USH2A: variants seen among roughly 807,000 people sequenced by gnomAD.
USH2A encodes the protein Usher syndrome 2A (autosomal recessive, mild).
A neutral mutation model predicts 538.9 loss-of-function variants in USH2A; 443 were observed. The ratio of observed to expected loss-of-function variants is 0.82; its 90% CI spans 0.76 to 0.89. USH2A has a LOEUF of 0.89. Among genes scored for constraint, USH2A ranks in the 40% least tolerant of loss-of-function variants. USH2A has a pLI of 0.00. For synonymous variants in USH2A, 2,413 were observed against 2,273.5 expected, an observed-to-expected ratio of 1.06 and a Z score of -1.75; for missense variants, 6,633 against 6,324.8, an observed-to-expected ratio of 1.05 and a Z score of -1.65.
At chr1:216,051,991 G>A (rs2030802055) in intron 30 of USH2A, among the ~76,000 whole-genome samples, 2 of 152,142 alleles carry the variant, frequency 1.3e-5, no homozygotes, top group Admixed American at 6.5e-5. Context: ...ACCAGATCCT[G>A]AGTTCACAAC....
At chr1:216,259,972 T>C (rs1348347798) in intron 11 of USH2A, among the ~76,000 whole-genome samples, 1 of 152,064 alleles carries the variant, frequency 6.6e-6, no homozygotes, top group Non-Finnish European at 1.5e-5. Context: ...TCAGAGAAAC[T>C]GCAGTACGAG....
chr1:216,079,782 A>G (rs2031875086), intron 26 of USH2A, among the ~76,000 whole-genome samples: 1 of 152,182 alleles, frequency 6.6e-6, no homozygotes, highest in Admixed American at 6.6e-5. Context: ...TAGGAAATCC[A>G]TTTAATTGTG....
intron 15 of USH2A, among the ~76,000 whole-genome samples, chr1:216,214,751 C>T (rs2035310602): frequency 6.6e-6 from 1 of 151,664 alleles, no homozygotes; most frequent in African/African-American, 2.4e-5. Flanking sequence ...GGCTCTCTGG[C>T]AAGGAGAGAT....
intron 35 of USH2A, among the ~76,000 whole-genome samples, chr1:215,975,477 C>T (rs1449436910): frequency 1.3e-5 from 2 of 152,042 alleles, no homozygotes; most frequent in South Asian, 4.2e-4. Flanking sequence ...ATCTTTAATC[C>T]ATCTTGAGCT....
intron 21 of USH2A, among the ~76,000 whole-genome samples, chr1:216,110,008 A>G (rs75520676): frequency 0.018 from 2,702 of 152,238 alleles, 72 homozygotes; most frequent in African/African-American, 0.062. Flanking sequence ...CTTTATATAG[A>G]TGATTATATT....
In USH2A at chr1:215,993,080, C is replaced by A; in HGVS notation, c.6745G>T (p.Ala2249Ser). The stretch of plus-strand genomic sequence containing the variant: ...AAGGAGTCAGGTGAATATGAGTGGG[C>A]TTTGGGGGCTGGCACGCCTTCGGGT... ...DIPEGVPAPK[A>S]HSYSPDSFNV... The change falls in exon 35 of 72, where the codon GCC becomes TCC. Residue 2249 changes from alanine to serine, a missense_variant. Coordinates refer to ENST00000307340, the MANE Select transcript of USH2A (RefSeq NM_206933.4). 1 of 1,614,068 alleles carries A rather than the reference C, an allele frequency of 6.2e-7. No homozygotes were observed. Among genetic ancestry groups the A allele is most frequent in the Non-Finnish European group, 8.5e-7 (1 of 1,179,980 alleles).
intron 4 of USH2A, among the ~76,000 whole-genome samples, chr1:216,332,554 G>A (rs1351525968): frequency 2.6e-5 from 4 of 152,226 alleles, no homozygotes; most frequent in Non-Finnish European, 5.9e-5. Flanking sequence ...ACCTCAGCTC[G>A]ACTTTGAGGC....
At chr1:215,881,260 C>T (rs550293800) in intron 41 of USH2A, among the ~76,000 whole-genome samples, 2 of 152,316 alleles carry the variant, frequency 1.3e-5, no homozygotes, top group Non-Finnish European at 2.9e-5. Flanking sequence ...CCTGCTTCAG[C>T]CCCCTGAGTG....
chr1:215,865,958 G>A (rs1013754437), intron 44 of USH2A, among the ~76,000 whole-genome samples: 1 of 152,110 alleles, frequency 6.6e-6, no homozygotes, highest in African/African-American at 2.4e-5. Context: ...CCAAATTCAA[G>A]GCTGATCCAG....
chr1:215,648,809 T>G, intron 65 of USH2A, 43 bp from the exon 66 acceptor site: 1 of 1,557,938 alleles, frequency 6.4e-7, no homozygotes, highest in Non-Finnish European at 8.8e-7. Flanking sequence ...TGTCAAACAT[T>G]AAAGGTGTTT....
intron 3 of USH2A, among the ~76,000 whole-genome samples, chr1:216,384,649 A>C (rs886218733): frequency 2.6e-5 from 4 of 152,048 alleles, no homozygotes; most frequent in African/African-American, 9.7e-5. Context: ...GGAAATCATT[A>C]ATTTTTAGTG....
chr1:216,174,630 A>G, intron 21 of USH2A: 1 of 984,850 alleles, frequency 1.0e-6, no homozygotes, highest in Non-Finnish European at 1.2e-6. Context: ...TTTGTGACCG[A>G]AACAAGAGCC....
chr1:215,671,342 C>A, intron 63 of USH2A, 49 bp from the exon 64 acceptor site: 2 of 1,584,138 alleles, frequency 1.3e-6, no homozygotes, highest in East Asian at 2.2e-5. Flanking sequence ...AATAGATTTT[C>A]ATGGGAAGAA....
At chr1:215,952,116 G>A (rs1407467876) in intron 37 of USH2A, among the ~76,000 whole-genome samples, 9 of 151,192 alleles carry the variant, frequency 6.0e-5, no homozygotes, top group South Asian at 2.1e-4. Flanking sequence ...CACCCGCCTC[G>A]GCCTCCCAAA....
At chr1:216,150,671 A>G (rs2033812313) in intron 21 of USH2A, among the ~76,000 whole-genome samples, 1 of 152,122 alleles carries the variant, frequency 6.6e-6, no homozygotes, top group Admixed American at 6.5e-5. Context: ...ATTTCACATC[A>G]GCAAGCTGCC....
chr1:216,336,300 A>G (rs2037973091), intron 4 of USH2A, among the ~76,000 whole-genome samples: 1 of 151,372 alleles, frequency 6.6e-6, no homozygotes, highest in African/African-American at 2.4e-5. Context: ...AGCTAACATC[A>G]TATTTAGTGG....
At position 215,674,905 on chromosome 1, in the gene USH2A, A is replaced by G. The variant is rs1325681486; in HGVS notation, c.13006T>C (p.Cys4336Arg). Residue 4336 changes from cysteine (C) to arginine (R), a missense_variant, in exon 63 of 72, where the codon TGC becomes CGC. Cys to Arg is a radical substitution (Grantham distance 180). Transcript: ENST00000307340. ...CTGGTGGAGCATCCTCCACTCGTGC[A>G]GGCTTGGAGTGCATAGCTATAGGTG... is the stretch of plus-strand genomic sequence containing the variant. ...FSTYSYALQA[C>R]TSGGCSTSKP... 8.7e-6 allele frequency: 14 copies of G among 1,614,094 alleles called. No homozygotes were observed. Among genetic ancestry groups the G allele is most frequent in the Non-Finnish European group, 1.2e-5 (14 of 1,180,046 alleles).
intron 43 of USH2A, 36 bp from the exon 44 acceptor site, chr1:215,867,206 T>G (rs1261826942): frequency 6.2e-7 from 1 of 1,601,768 alleles, no homozygotes; most frequent in African/African-American, 1.3e-5. Context: ...GTATATGAAT[T>G]TCTACTTTAC....
At chr1:215,969,460 A>G (rs1003067919) in intron 36 of USH2A, among the ~76,000 whole-genome samples, 3 of 152,102 alleles carry the variant, frequency 2.0e-5, no homozygotes, top group Non-Finnish European at 4.4e-5. Flanking sequence ...CGCTGAGCCA[A>G]TTTTGTAGCC....
Sources: allele counts gnomAD v4.1 joint callset (sites outside exome capture counted in the v4.1 genomes callset), GRCh38; gene constraint gnomAD v4.1.1; transcripts MANE v1.5; gene names NCBI Gene and HGNC (gene_info 2026-07-23, HGNC 2026-07-21).